PAM: variants seen among roughly 807,000 people sequenced by gnomAD.
The protein encoded by PAM is peptidylglycine alpha-amidating monooxygenase, also known as peptidyl-glycine alpha-amidating monooxygenase.
A neutral mutation model predicts 122.1 loss-of-function variants in PAM; 72 were observed. That is an observed-to-expected ratio of 0.59 (90% confidence interval 0.49 to 0.72). The LOEUF (loss-of-function observed/expected upper bound fraction) is 0.72, where lower values mean the gene tolerates loss of function less well. PAM is among the 30% of genes least tolerant of loss of function. The pLI, the probability that PAM is intolerant of heterozygous loss-of-function variation, is 0.00. For missense variants in PAM, 1,106 were observed against 1,183.7 expected (o/e 0.93, Z 0.96); for synonymous variants, 389 against 404.4 (o/e 0.96, Z 0.46).
intron 1 of PAM, among the ~76,000 whole-genome samples, chr5:102,767,745 A>T (rs1048598133): frequency 3.3e-5 from 5 of 152,206 alleles, no homozygotes; most frequent in African/African-American, 1.2e-4. Flanking sequence ...CACTAAACGA[A>T]AAACAGCCAT....
intron 1 of PAM, among the ~76,000 whole-genome samples, chr5:102,774,204 T>C (rs1756545607): frequency 1.3e-5 from 2 of 152,148 alleles, no homozygotes; most frequent in Admixed American, 6.6e-5. Flanking sequence ...GATAGAATGA[T>C]TTATATTCGT....
At position 102,974,080 on chromosome 5, in the gene PAM, C is replaced by T. The variant is rs774146656; in HGVS notation, c.1163-36C>T. 2.7e-6 allele frequency: 4 copies of T among 1,459,086 alleles called. No individual in the cohort carries two copies. The South Asian group carries it at 5.0e-5, about 18-fold the overall frequency. The allele number at this position is 1,459,086 out of a possible 1,614,324, so 90.4% of individuals were successfully genotyped here. ...TTTGTAAATTTTGCAATCTTATCTACCCTCCACGCCCTTATCTCTTCTCTT... is the reference window on the plus strand; with the variant it reads ...TTTGTAAATTTTGCAATCTTATCTATCCTCCACGCCCTTATCTCTTCTCTT... On this transcript the variant is annotated intron_variant, in intron 14 of 25. Coordinates refer to ENST00000438793, the MANE Select transcript of PAM (RefSeq NM_001177306.2).
intron 12 of PAM, among the ~76,000 whole-genome samples, chr5:102,953,373 C>T (rs535751587): frequency 2.6e-5 from 4 of 152,152 alleles, no homozygotes; most frequent in South Asian, 4.1e-4. Flanking sequence ...ACTATTTAGC[C>T]TTTACAAGGA....
chr5:102,951,846 A>G (rs1421659939), intron 12 of PAM, among the ~76,000 whole-genome samples: 1 of 152,094 alleles, frequency 6.6e-6, no homozygotes, highest in African/African-American at 2.4e-5. Context: ...TTTTGGATAA[A>G]TTTGCTAAAT....
chr5:102,993,275 T>C (rs977090839), intron 16 of PAM, among the ~76,000 whole-genome samples: 4 of 152,108 alleles, frequency 2.6e-5, no homozygotes, highest in African/African-American at 7.2e-5. Context: ...GCATGGCAGC[T>C]AGAGCTCTTT....
At chr5:102,901,724 T>C (rs1325503826) in intron 4 of PAM, among the ~76,000 whole-genome samples, 1 of 151,540 alleles carries the variant, frequency 6.6e-6, no homozygotes, top group Non-Finnish European at 1.5e-5. Context: ...TTAATTCCAC[T>C]CCACTCAACA....
In PAM at chr5:103,017,152, C is replaced by CAATG. The variant is rs1367239920; in HGVS notation, c.2332-164_2332-161dup. Among the ~76,000 whole-genome samples, 7 of 152,122 alleles carry CAATG rather than the reference C, an allele frequency of 4.6e-5. No individual in the cohort carries two copies. In the East Asian group the frequency reaches 5.8e-4, roughly 13 times the overall value. On this transcript the variant is annotated intron_variant, in intron 21 of 25. Coordinates refer to ENST00000438793, the MANE Select transcript of PAM (RefSeq NM_001177306.2). ...AATTATGCCTGGAAGAGTCAGTACCCAATGAATGAATGAATGAATGACTCC... is the reference window on the plus strand; with the variant it reads ...AATTATGCCTGGAAGAGTCAGTACCCAATGAATGAATGAATGAATGAATGACTCC...
chr5:102,959,041 A>G (rs1350444371), intron 12 of PAM, among the ~76,000 whole-genome samples: 2 of 152,166 alleles, frequency 1.3e-5, no homozygotes, highest in African/African-American at 4.8e-5. Flanking sequence ...GAAATATATA[A>G]TAACCCATGT....
At chr5:102,876,500 C>G (rs893511876) in intron 3 of PAM, among the ~76,000 whole-genome samples, 12 of 152,182 alleles carry the variant, frequency 7.9e-5, no homozygotes, top group African/African-American at 2.7e-4. Flanking sequence ...TCCTGGCCTC[C>G]TTTCCCACTT....
At chr5:102,890,188 TC>T (rs1794380704) in intron 3 of PAM, among the ~76,000 whole-genome samples, 1 of 151,868 alleles carries the variant, frequency 6.6e-6, no homozygotes, top group Admixed American at 6.6e-5. Flanking sequence ...AGAGGCTAGA[TC>T]AGATTTAGAT....
At chr5:102,936,780 G>A (rs1169052751) in intron 7 of PAM, among the ~76,000 whole-genome samples, 1 of 152,002 alleles carries the variant, frequency 6.6e-6, no homozygotes, top group Non-Finnish European at 1.5e-5. Context: ...TGTATTACTA[G>A]AATATCACTG....
chr5:102,887,990 A>G (rs1793664065), intron 3 of PAM, among the ~76,000 whole-genome samples: 1 of 151,916 alleles, frequency 6.6e-6, no homozygotes, highest in African/African-American at 2.4e-5. Flanking sequence ...CTAGCACCCC[A>G]TGCCTCTTTT....
At chr5:102,792,584 T>C (rs550450393) in intron 1 of PAM, among the ~76,000 whole-genome samples, 1 of 152,334 alleles carries the variant, frequency 6.6e-6, no homozygotes, top group Admixed American at 6.5e-5. Flanking sequence ...TGACTGGCAT[T>C]GTGAAGAGTT....
intron 4 of PAM, among the ~76,000 whole-genome samples, chr5:102,901,755 G>A (rs1219958505): frequency 6.6e-6 from 1 of 151,474 alleles, no homozygotes. Context: ...TTACCTGCTG[G>A]TTCATGCTAT....
At chr5:102,773,773 T>A (rs553313027) in intron 1 of PAM, among the ~76,000 whole-genome samples, 1 of 152,236 alleles carries the variant, frequency 6.6e-6, no homozygotes, top group African/African-American at 2.4e-5. Flanking sequence ...GAAGGTGTGT[T>A]ACATAGGTAA....
intron 4 of PAM, among the ~76,000 whole-genome samples, chr5:102,913,088 A>C (rs966197411): frequency 2.0e-5 from 3 of 151,996 alleles, no homozygotes; most frequent in Non-Finnish European, 4.4e-5. Context: ...CCTGAGATTT[A>C]AGATCATTTT....
intron 1 of PAM, among the ~76,000 whole-genome samples, chr5:102,836,864 G>GAC (rs1777215921): frequency 7.1e-6 from 1 of 141,752 alleles, no homozygotes; most frequent in Non-Finnish European, 1.5e-5. Flanking sequence ...GAAACCGAGA[G>GAC]AGAGAGAGAG....
At chr5:102,899,023 T>C (rs1796948576) in intron 3 of PAM, among the ~76,000 whole-genome samples, 1 of 151,508 alleles carries the variant, frequency 6.6e-6, no homozygotes, top group African/African-American at 2.4e-5. Context: ...ACTTGTCTCC[T>C]GCAGAGGGTC....
At chr5:102,996,290 CTG>C (rs1775678018) in intron 16 of PAM, among the ~76,000 whole-genome samples, 1 of 152,146 alleles carries the variant, frequency 6.6e-6, no homozygotes. Context: ...GCTCCAGGCA[CTG>C]TGTGAAATGT....
Sources: gnomAD v4.1 joint callset for allele counts (sites outside exome capture counted in the v4.1 genomes callset) on GRCh38, gnomAD v4.1.1 for gene constraint, MANE v1.5 for transcripts, NCBI Gene and HGNC (gene_info 2026-07-23, HGNC 2026-07-21) for gene names.